The following BACC1 variants were observed in gnomAD, a reference collection of about 807,000 sequenced individuals.
BACC1 encodes BPTF associated chromatin complex component 1.
the BACC1 span, chr17:7,017,469 C>G: frequency 5.3e-6 from 4 of 757,040 alleles, no homozygotes; most frequent in Admixed American, 7.9e-5. Flanking sequence ...ACCCCTTTGA[C>G]CTTCATCTGA....
the BACC1 span, chr17:7,014,832 G>A: frequency 1.3e-6 from 2 of 1,527,782 alleles, no homozygotes; most frequent in East Asian, 5.3e-5. This position sits in a 1 kb window ranked among gnomAD's most constrained non-coding sequence, Gnocchi z 4.5. Context: ...CGGCGGCGGC[G>A]TCTCCGTGAG....
the BACC1 span, chr17:7,017,026 CCT>C: frequency 6.3e-7 from 1 of 1,599,712 alleles, no homozygotes; most frequent in Non-Finnish European, 8.6e-7. Context: ...TAGGAGTCCT[CCT>C]CCTCCCACAC....
chr17:7,015,218 A>G, the BACC1 span: 1 of 1,501,882 alleles, frequency 6.7e-7, no homozygotes, highest in Non-Finnish European at 8.8e-7. Context: ...GGTCACAGAC[A>G]CGGACCCTCT....
the BACC1 span, chr17:7,015,088 C>A: frequency 6.4e-7 from 1 of 1,568,724 alleles, no homozygotes; most frequent in Non-Finnish European, 8.6e-7. Context: ...CGGCGGCCGG[C>A]GCCGCCTTCA....
chr17:7,016,445 G>T, the BACC1 span: 1 of 1,582,820 alleles, frequency 6.3e-7, no homozygotes, highest in Non-Finnish European at 8.6e-7. Flanking sequence ...CCCCTCTTCT[G>T]TTAGTCTCTC....
chr17:7,016,119 G>GA, the BACC1 span: 1 of 536,956 alleles, frequency 1.9e-6, no homozygotes, highest in South Asian at 2.4e-5. Flanking sequence ...TATTGTATTT[G>GA]ATGATGGAAG....
the BACC1 span, chr17:7,017,463 C>G: frequency 2.6e-6 from 2 of 774,606 alleles, no homozygotes; most frequent in Non-Finnish European, 4.6e-6. Flanking sequence ...CCCCCAACCC[C>G]TTTGACCTTC....
chr17:7,014,910 G>T, the BACC1 span: 2 of 1,508,974 alleles, frequency 1.3e-6, no homozygotes, highest in Non-Finnish European at 1.8e-6. The surrounding 1 kb of genome is among the most constrained non-coding windows in gnomAD (Gnocchi z 4.5). Context: ...GCGCTCCCTG[G>T]CGGCCACGGG....
the BACC1 span, chr17:7,015,355 C>T: frequency 7.3e-7 from 1 of 1,370,598 alleles, no homozygotes; most frequent in Non-Finnish European, 9.4e-7. Context: ...AGCCCAGACT[C>T]CTGTTTCACA....
chr17:7,016,744 G>T, the BACC1 span: 1 of 1,565,040 alleles, frequency 6.4e-7, no homozygotes, highest in African/African-American at 1.4e-5. Context: ...TTTAGTGAGA[G>T]AATTGGGCCT....
chr17:7,016,390 C>T, the BACC1 span: 2 of 1,331,778 alleles, frequency 1.5e-6, no homozygotes, highest in South Asian at 1.3e-5. Flanking sequence ...GGGGCCCCGA[C>T]CTGGATTCTT....
At chr17:7,016,678 G>A in the BACC1 span, 2 of 1,611,030 alleles carry the variant, frequency 1.2e-6, no homozygotes, top group South Asian at 2.2e-5. Context: ...TAAAGAAACA[G>A]AAGGCTGGTG....
At chr17:7,015,550 C>G in the BACC1 span, 1 of 1,421,300 alleles carries the variant, frequency 7.0e-7, no homozygotes, top group African/African-American at 1.4e-5. Context: ...AAAGGGGTGT[C>G]TAAGGTGGAG....
chr17:7,014,938 T>C, the BACC1 span: 1 of 1,348,382 alleles, frequency 7.4e-7, no homozygotes, highest in Non-Finnish European at 9.6e-7. This position sits in a 1 kb window ranked among gnomAD's most constrained non-coding sequence, Gnocchi z 4.5. Flanking sequence ...GCCCCCCACT[T>C]GGCTCGCGGC....
At chr17:7,015,786 G>A in the BACC1 span, 1 of 1,613,970 alleles carries the variant, frequency 6.2e-7, no homozygotes, top group Non-Finnish European at 8.5e-7. Context: ...CGAAGTGGAC[G>A]GAGACGGAAA....
At chr17:7,015,300 T>C in the BACC1 span, 25 of 1,386,184 alleles carry the variant, frequency 1.8e-5, no homozygotes, top group Middle Eastern at 2.6e-4. Context: ...TAAATGATCG[T>C]TGGGTGAGGG....
At chr17:7,017,346 G>C in the BACC1 span, 26 of 1,590,582 alleles carry the variant, frequency 1.6e-5, no homozygotes, top group Non-Finnish European at 2.2e-5. Context: ...ACCTCTCACT[G>C]TTCATGCCGG....
At chr17:7,016,336 G>A in the BACC1 span, 5 of 703,748 alleles carry the variant, frequency 7.1e-6, no homozygotes, top group African/African-American at 1.8e-5. Context: ...TCCATCCTGA[G>A]TGAGTGTAAA....
the BACC1 span, chr17:7,016,363 A>G: frequency 4.5e-6 from 4 of 883,486 alleles, no homozygotes; most frequent in Non-Finnish European, 5.3e-6. Flanking sequence ...AGAAAGTGAG[A>G]ACCCTACCAA....
Sources: allele counts gnomAD v4.1 joint callset, GRCh38; gene constraint gnomAD v4.1.1; non-coding constraint Gnocchi (gnomAD v3.1); transcripts MANE v1.5; gene names NCBI Gene and HGNC (gene_info 2026-07-23, HGNC 2026-07-21).